The following DNAH12 variants were observed in gnomAD, a reference collection of about 807,000 sequenced individuals.
DNAH12 encodes the protein axonemal beta dynein heavy chain 12.
A neutral mutation model predicts 371.5 loss-of-function variants in DNAH12; 285 were observed. The observed-to-expected ratio is 0.77, with a 90% CI of 0.70 to 0.85. The LOEUF (loss-of-function observed/expected upper bound fraction) is 0.85. DNAH12 is among the 40% of genes least tolerant of loss of function. DNAH12 has a pLI of 0.00. For synonymous variants in DNAH12, 1,200 were observed against 1,213.0 expected (o/e 0.99, Z 0.22); for missense variants, 3,611 against 3,689.4 (o/e 0.98, Z 0.55).
rs574718898 is a variant in DNAH12 at position 57,321,952 on chromosome 3, TTGTC to T, written c.10524+387_10524+390del. 5.9e-4 allele frequency among the ~76,000 whole-genome samples: 90 copies of T among 152,296 alleles called. 1 individual carries two copies. Among genetic ancestry groups the T allele is most frequent in the African/African-American group, 1.7e-3 (69 of 41,560 alleles). ...CTAAGTTTCATAAAGGCAGATTTCT[TTGTC>T]TGTCTATTTTGTTCTCATTGCTTTA... is the stretch of plus-strand genomic sequence containing the variant. On this transcript the variant is annotated intron_variant, in intron 65 of 73. Transcript: ENST00000495027.
intron 17 of DNAH12, among the ~76,000 whole-genome samples, chr3:57,465,081 C>T (rs914904878): frequency 1.3e-5 from 2 of 152,176 alleles, no homozygotes; most frequent in African/African-American, 4.8e-5. Flanking sequence ...TTTAGCTCAG[C>T]CCTTGCTCTT....
chr3:57,460,973 T>C (rs2066038381), intron 19 of DNAH12, among the ~76,000 whole-genome samples: 1 of 152,218 alleles, frequency 6.6e-6, no homozygotes, highest in Non-Finnish European at 1.5e-5. Flanking sequence ...AATCCAGTTG[T>C]CTTTCCCCAA....
intron 11 of DNAH12, among the ~76,000 whole-genome samples, chr3:57,493,213 CTCTGTATCCATGGGTTCCATA>C (rs1428282093): frequency 3.9e-5 from 6 of 152,010 alleles, no homozygotes; most frequent in Admixed American, 3.3e-4. Flanking sequence ...ACAGTTGGCC[CTCTGTATCCATGGGTTCCATA>C]TCTGCAGAAT....
intron 43 of DNAH12, among the ~76,000 whole-genome samples, chr3:57,401,581 AAGAAG>A (rs1246699623): frequency 6.8e-5 from 9 of 132,396 alleles, no homozygotes; most frequent in African/African-American, 1.5e-4. Context: ...AAAAAAAAAA[AAGAAG>A]AAGAAGAAGA....
rs891350500 is a variant in DNAH12, at chr3:57,459,669, G to A, written c.2854C>T (p.Pro952Ser). Residue 952 changes from proline to serine, a missense_variant, in exon 20 of 74, where the codon CCA becomes TCA. Transcript: ENST00000495027. ...FCSEDIMQQM[P>S]EEGRQFQTVD... ...GTCTGAAATTGACGCCCTTCTTCTG[G>A]CATCTGTTGCATGATATCCTCAGAA... is the stretch of plus-strand genomic sequence containing the variant. The A allele has an allele frequency of 2.7e-5, 42 of 1,548,858 alleles. No homozygotes were observed. The highest frequency in any genetic ancestry group is 3.5e-5 in the Non-Finnish European group (40 of 1,145,278).
Position 57,510,957 on chromosome 3 carries a change from T to C in DNAH12, c.302A>G (p.Gln101Arg). ...KKGFNYIYMK[Q>R]CVESSPLVPI... is the part of the protein sequence containing the mutation. ...TACTAAAGGACTACTTTCTACACAT[T>C]GCTTCATATAAATATAGTTGAACTG... Residue 101 changes from glutamine to arginine, a missense_variant, in exon 5 of 74, where the codon CAA becomes CGA. By Grantham distance (43) the Gln-to-Arg change is conservative (BLOSUM62 1). Around this residue, in one of 3 missense-constraint regions of DNAH12, gnomAD observed 1,314 missense variants for 1,398.7 expected, o/e 0.94. Coordinates refer to ENST00000495027, the MANE Select transcript of DNAH12 (RefSeq NM_001366028.2). The C allele has an allele frequency of 1.2e-6, 2 of 1,602,102 alleles. No homozygotes were observed. The highest frequency in any genetic ancestry group is 1.7e-6 in the Non-Finnish European group (2 of 1,177,572).
chr3:57,310,869 T>C lies in DNAH12; in HGVS notation c.10744A>G (p.Thr3582Ala). The change falls in exon 67 of 74, where the codon ACA becomes GCA. Residue 3582 changes from threonine to alanine, a missense_variant. By Grantham distance (58) the Thr-to-Ala change is moderately conservative. Transcript: ENST00000495027. ...TGECNYGGRV[T>A]DDWDRRLLLT... is the part of the protein sequence containing the mutation. ...AGAAGACGTCTGTCCCAATCGTCTGTCACTCTTCCTCCATAATTACACTCC... is the reference window on the plus strand; with the variant it reads ...AGAAGACGTCTGTCCCAATCGTCTGCCACTCTTCCTCCATAATTACACTCC... The C allele has an allele frequency of 6.4e-7, 1 of 1,551,588 alleles. No individual in the cohort carries two copies.
intron 4 of DNAH12, among the ~76,000 whole-genome samples, chr3:57,514,778 A>ATATT (rs1160365000): frequency 1.3e-5 from 2 of 152,198 alleles, no homozygotes; most frequent in African/African-American, 4.8e-5. Flanking sequence ...AGTTATTAAT[A>ATATT]ATTACCTAGC....
At chr3:57,352,749 G>T (rs532907852) in intron 59 of DNAH12, among the ~76,000 whole-genome samples, 2 of 151,906 alleles carry the variant, frequency 1.3e-5, no homozygotes, top group Non-Finnish European at 1.5e-5. Context: ...ACATTTGCCC[G>T]CCCCAAAGAA....
chr3:57,555,387 C>A, the DNAH12 span, among the ~76,000 whole-genome samples: 2 of 152,036 alleles, frequency 1.3e-5, no homozygotes, highest in Admixed American at 6.5e-5. Flanking sequence ...TTCCTATTTA[C>A]TAACTAAAAA....
At chr3:57,477,467 C>T (rs2066575676) in intron 13 of DNAH12, among the ~76,000 whole-genome samples, 1 of 152,278 alleles carries the variant, frequency 6.6e-6, no homozygotes, top group East Asian at 1.9e-4. Flanking sequence ...TCAAGGAGGC[C>T]TGCCTGCCTC....
chr3:57,482,821 G>A (rs2066790932), intron 13 of DNAH12, among the ~76,000 whole-genome samples: 2 of 148,598 alleles, frequency 1.3e-5, no homozygotes, highest in Admixed American at 6.9e-5. Flanking sequence ...CTATTGCAAG[G>A]ACAAAAAACT....
At chr3:57,296,294 T>C in intron 72 of DNAH12, 50 bp downstream of exon 72, 2 of 1,381,754 alleles carry the variant, frequency 1.4e-6, no homozygotes, top group Non-Finnish European at 2.0e-6. Context: ...GCTTATCTTA[T>C]CTATGATTCA....
chr3:57,413,480 T>C (rs949446998), intron 39 of DNAH12, among the ~76,000 whole-genome samples: 1 of 152,102 alleles, frequency 6.6e-6, no homozygotes, highest in Non-Finnish European at 1.5e-5. Flanking sequence ...TTATCATTTG[T>C]AACAAATGTG....
intron 30 of DNAH12, among the ~76,000 whole-genome samples, chr3:57,435,996 C>T (rs957548441): frequency 6.6e-6 from 1 of 151,856 alleles, no homozygotes; most frequent in Admixed American, 6.6e-5. Flanking sequence ...CTCCCAAGAA[C>T]AGTATTTTCT....
chr3:57,429,923 G>A, intron 32 of DNAH12, 149 bp from the exon 33 acceptor site: 1 of 649,608 alleles, frequency 1.5e-6, no homozygotes, highest in South Asian at 2.6e-5. Context: ...TCTAGGTCTA[G>A]CCCTGTTAAT....
chr3:57,519,123 T>C (rs914128915), intron 4 of DNAH12, among the ~76,000 whole-genome samples: 1 of 152,184 alleles, frequency 6.6e-6, no homozygotes, highest in Non-Finnish European at 1.5e-5. Context: ...CGAATCAAGG[T>C]TTTAATTTGT....
chr3:57,459,618 TGA>T lies in DNAH12; in HGVS notation c.2903_2904del (p.Ile968AsnfsTer6), dbSNP rs2065996856. The T allele has an allele frequency of 6.6e-7, 1 of 1,513,984 alleles. No homozygotes were observed. The highest frequency in any genetic ancestry group is 2.0e-5 in the Admixed American group (1 of 49,460). The allele number at this position is 1,513,984 out of a possible 1,614,324, so 93.8% of individuals were successfully genotyped here. On this transcript the variant is annotated frameshift_variant, in exon 20 of 74. Transcript: ENST00000495027. LOFTEE classifies it high-confidence loss of function. ...FQTVDRHWRD[I>X]MKFCAKDPKV... ...TTTGGATCTTTAGCACAAAACTTCA[TGA>T]TATCTCTCCAGTGTCTGTCTACTGT...
intron 29 of DNAH12, among the ~76,000 whole-genome samples, chr3:57,441,000 CT>C (rs2065286691): frequency 1.3e-5 from 2 of 152,186 alleles, no homozygotes; most frequent in African/African-American, 4.8e-5. Context: ...TAAATAGTCA[CT>C]TCATAACAGA....
Sources: allele counts gnomAD v4.1 joint callset (sites outside exome capture counted in the v4.1 genomes callset), GRCh38; gene constraint gnomAD v4.1.1; regional missense constraint gnomAD v4.1.1; transcripts MANE v1.5; gene names NCBI Gene and HGNC (gene_info 2026-07-23, HGNC 2026-07-21).